Variants in NEXMIF observed in about 807,000 individuals in gnomAD.
NEXMIF encodes XLMR protein related to neurite extension.
NEXMIF carries 8 observed loss-of-function variants against 62.1 expected under a neutral mutation model. The ratio of observed to expected loss-of-function variants is 0.13; its 90% CI spans 0.08 to 0.23. NEXMIF has a LOEUF of 0.23. Among genes scored for constraint, NEXMIF ranks in the 10% least tolerant of loss-of-function variants. NEXMIF has a pLI of 1.00. For synonymous variants in NEXMIF, 404 were observed against 416.6 expected, an observed-to-expected ratio of 0.97 and a Z score of 0.37; for missense variants, 976 against 1,113.3, an observed-to-expected ratio of 0.88 and a Z score of 1.75.
chrX:74,855,748 G>A (rs2080532784), intron 1 of NEXMIF, among the ~76,000 whole-genome samples: 1 of 112,180 alleles, frequency 8.9e-6, no homozygotes, highest in Admixed American at 9.5e-5. Flanking sequence ...CATGCACACA[G>A]AGTCCCTTCA....
intron 1 of NEXMIF, among the ~76,000 whole-genome samples, chrX:74,829,604 T>C (rs1303012982): frequency 9.0e-6 from 1 of 111,685 alleles, no homozygotes; most frequent in African/African-American, 3.3e-5. Context: ...ATAGCCCTAT[T>C]TGCATTTTTT....
intron 1 of NEXMIF, among the ~76,000 whole-genome samples, chrX:74,916,815 G>T (rs1159601056): frequency 1.8e-5 from 2 of 111,898 alleles, no homozygotes; most frequent in African/African-American, 6.5e-5. Flanking sequence ...AAATAGGGGG[G>T]TAAATTCATG....
intron 1 of NEXMIF, among the ~76,000 whole-genome samples, chrX:74,868,803 T>C (rs2080589832): frequency 9.1e-6 from 1 of 109,865 alleles, no homozygotes; most frequent in Admixed American, 9.7e-5. Flanking sequence ...AAATTAAAAT[T>C]AGAAAAAAAA....
chrX:74,805,197 C>A (rs1391465879), intron 1 of NEXMIF, among the ~76,000 whole-genome samples: 2 of 111,975 alleles, frequency 1.8e-5, no homozygotes, highest in Admixed American at 1.9e-4. Flanking sequence ...GAAGTTAAAA[C>A]CATGTACTGT....
intron 1 of NEXMIF, among the ~76,000 whole-genome samples, chrX:74,795,659 T>G (rs1025258512): frequency 1.8e-5 from 2 of 111,202 alleles, no homozygotes; most frequent in Non-Finnish European, 3.8e-5. Flanking sequence ...AGACCTGTAA[T>G]TTACAAAGAA....
At position 74,741,511 on chromosome X, in the gene NEXMIF, TTTCACAG is replaced by T. The variant is rs775701549; in HGVS notation, c.3039_3045del (p.Cys1014ArgfsTer20). ...TCAGTGATATCATCATCGCCATCCT[TTTCACAG>T]GACTTCAAGCTTAAGGAGCAATAAT... On this transcript the variant is annotated frameshift_variant, in exon 3 of 4. Transcript: ENST00000055682. LOFTEE classifies it high-confidence loss of function. 1 of 1,211,487 alleles carries T rather than the reference TTTCACAG, an allele frequency of 8.3e-7. No homozygotes were observed. The highest frequency in any genetic ancestry group is 1.1e-6 in the Non-Finnish European group (1 of 895,347).
intron 1 of NEXMIF, among the ~76,000 whole-genome samples, chrX:74,852,246 G>A (rs2080517531): frequency 9.0e-6 from 1 of 111,543 alleles, no homozygotes; most frequent in Admixed American, 9.5e-5. Flanking sequence ...ATGATACAGA[G>A]ATCAATTCAG....
At chrX:74,844,437 G>T (rs1002711814) in intron 1 of NEXMIF, among the ~76,000 whole-genome samples, 4 of 111,680 alleles carry the variant, frequency 3.6e-5, no homozygotes, top group Non-Finnish European at 7.5e-5. Flanking sequence ...AATGGGTTGT[G>T]CTTTGGGTTT....
chrX:74,794,645 C>G (rs1392085618), intron 1 of NEXMIF, among the ~76,000 whole-genome samples: 1 of 112,148 alleles, frequency 8.9e-6, no homozygotes, highest in Non-Finnish European at 1.9e-5. Flanking sequence ...GGGCATAGGA[C>G]CCTCCAAGCC....
intron 1 of NEXMIF, among the ~76,000 whole-genome samples, chrX:74,916,975 A>G (rs1028939724): frequency 1.8e-5 from 2 of 112,078 alleles, no homozygotes; most frequent in Admixed American, 1.9e-4. Flanking sequence ...AGTAATTATC[A>G]TTAATGGACC....
intron 1 of NEXMIF, among the ~76,000 whole-genome samples, chrX:74,879,403 G>A (rs1668169327): frequency 8.9e-6 from 1 of 112,189 alleles, no homozygotes; most frequent in South Asian, 3.7e-4. Flanking sequence ...TATCATCTAT[G>A]ATGAATTCAT....
intron 1 of NEXMIF, among the ~76,000 whole-genome samples, chrX:74,916,953 CTGAAT>C (rs2080809123): frequency 8.9e-6 from 1 of 111,915 alleles, no homozygotes; most frequent in South Asian, 3.7e-4. Context: ...TAAGTGTTTG[CTGAAT>C]TGAATCAGTA....
chrX:74,762,231 CT>C (rs2080178942), intron 1 of NEXMIF, among the ~76,000 whole-genome samples: 1 of 106,930 alleles, frequency 9.4e-6, no homozygotes, highest in Admixed American at 1.0e-4. Context: ...GTTTTTTGTC[CT>C]TGTGATAGTT....
intron 1 of NEXMIF, among the ~76,000 whole-genome samples, chrX:74,880,373 T>G (rs2080658064): frequency 2.7e-5 from 3 of 111,559 alleles, no homozygotes; most frequent in African/African-American, 9.8e-5. Context: ...TCATGTGACT[T>G]CATGATGATG....
Position 74,824,203 on chromosome X carries a change from A to T in NEXMIF, c.-47-78506T>A, listed in dbSNP as rs1005617741. On this transcript the variant is annotated intron_variant, in intron 1 of 3. Coordinates refer to ENST00000055682, the MANE Select transcript of NEXMIF (RefSeq NM_001008537.3). ...ATTATTATTAACTATAATCACCATGATGTGCAATAGATCTCAAAAAAACCT... is the reference window on the plus strand; with the variant it reads ...ATTATTATTAACTATAATCACCATGTTGTGCAATAGATCTCAAAAAAACCT... 3.6e-5 allele frequency among the ~76,000 whole-genome samples: 4 copies of T among 111,528 alleles called. No individual in the cohort carries two copies. In the South Asian group the frequency reaches 1.5e-3, roughly 42 times the overall value.
chrX:74,866,427 G>A (rs183074208), intron 1 of NEXMIF, among the ~76,000 whole-genome samples: 33 of 111,831 alleles, frequency 3.0e-4, no homozygotes, highest in Admixed American at 9.4e-5. Context: ...ATAGGTGGAA[G>A]GGACTTGTCT....
intron 1 of NEXMIF, among the ~76,000 whole-genome samples, chrX:74,843,505 C>T (rs921293426): frequency 1.2e-4 from 13 of 109,072 alleles, no homozygotes; most frequent in African/African-American, 4.4e-4. Context: ...ACCTCCACCT[C>T]CCAGGTTCAC....
At chrX:74,886,530 G>C (rs1253888316) in intron 1 of NEXMIF, among the ~76,000 whole-genome samples, 1 of 111,607 alleles carries the variant, frequency 9.0e-6, no homozygotes, top group Admixed American at 9.5e-5. Context: ...GCCAAATCAT[G>C]AGTGAAATCC....
intron 1 of NEXMIF, among the ~76,000 whole-genome samples, chrX:74,887,776 C>T (rs909510787): frequency 8.9e-6 from 1 of 111,799 alleles, no homozygotes; most frequent in African/African-American, 3.2e-5. Context: ...ACACCATTGA[C>T]CCAGCCATCC....
Sources: allele counts gnomAD v4.1 joint callset (sites outside exome capture counted in the v4.1 genomes callset), GRCh38; gene constraint gnomAD v4.1.1; transcripts MANE v1.5; gene names NCBI Gene and HGNC (gene_info 2026-07-23, HGNC 2026-07-21).